Variants in ZP3 observed in about 807,000 individuals in gnomAD.
ZP3 encodes zona pellucida sperm-binding protein 3.
Under a neutral mutation model 35.6 loss-of-function variants are expected in ZP3, and 21 were observed. The observed-to-expected ratio is 0.59, with a 90% CI of 0.42 to 0.85. ZP3 has a LOEUF of 0.85. Among genes scored for constraint, ZP3 ranks in the 40% least tolerant of loss-of-function variants. The probability of loss-of-function intolerance (pLI) is 0.00; values close to 1 mark genes in which losing one functional copy is unlikely to be tolerated. For missense variants in ZP3, 437 were observed against 536.5 expected (o/e 0.81, Z 1.83); for synonymous variants, 207 against 214.5 (o/e 0.96, Z 0.31).
intron 5 of ZP3, among the ~76,000 whole-genome samples, chr7:76,438,444 TC>T (rs1294990879): frequency 1.3e-5 from 2 of 151,114 alleles, no homozygotes; most frequent in African/African-American, 4.9e-5. Context: ...CGTAATCCCA[TC>T]TACTTGGGAG....
At chr7:76,417,172 C>T (rs906326975) in intron 1 of ZP3, among the ~76,000 whole-genome samples, 4 of 151,814 alleles carry the variant, frequency 2.6e-5, no homozygotes, top group African/African-American at 9.7e-5. Flanking sequence ...ATTCTCCTGC[C>T]GCAGCCTCCC....
chr7:76,432,657 C>T (rs1805865028), intron 2 of ZP3, among the ~76,000 whole-genome samples: 1 of 152,164 alleles, frequency 6.6e-6, no homozygotes, highest in South Asian at 2.1e-4. Context: ...AGAAACCAAA[C>T]TCCTAGGTTC....
At chr7:76,425,352 C>T (rs1322999277) in intron 1 of ZP3, 76 bp downstream of exon 1, 20 of 1,464,986 alleles carry the variant, frequency 1.4e-5, no homozygotes, top group South Asian at 1.2e-4. Context: ...TGGCCACCAT[C>T]GGTGGGAGGT....
At chr7:76,431,613 G>A (rs1805825994) in intron 2 of ZP3, among the ~76,000 whole-genome samples, 2 of 152,132 alleles carry the variant, frequency 1.3e-5, no homozygotes, top group Non-Finnish European at 2.9e-5. Context: ...CTAAAGGATG[G>A]CCTTGGCTGG....
At chr7:76,404,568 G>C in intron 1 of ZP3, 3 of 1,391,872 alleles carry the variant, frequency 2.2e-6, no homozygotes, top group Non-Finnish European at 2.0e-6. Flanking sequence ...GAGGTGGGAG[G>C]ATTGCTTGCA....
chr7:76,423,367 G>A (rs1036211662), upstream of ZP3, among the ~76,000 whole-genome samples: 5 of 152,320 alleles, frequency 3.3e-5, no homozygotes, highest in African/African-American at 7.2e-5. Flanking sequence ...GGCAAAGCAC[G>A]TGAAGGTATG....
intron 1 of ZP3, among the ~76,000 whole-genome samples, chr7:76,416,714 G>A (rs751776819): frequency 4.0e-5 from 6 of 151,454 alleles, no homozygotes; most frequent in African/African-American, 1.5e-4. Context: ...TGGGAGAGTC[G>A]CTTAAGCCTG....
intron 2 of ZP3, 22 bp from the exon 3 acceptor site, chr7:76,432,905 A>T (rs776836693): frequency 3.4e-5 from 54 of 1,610,230 alleles, no homozygotes; most frequent in Non-Finnish European, 4.3e-5. Flanking sequence ...GCAGGTGTGC[A>T]CAGCTGCTGT....
rs768047547 is a variant in ZP3, at chr7:76,433,557, T to C, written c.623T>C (p.Val208Ala). Residue 208 changes from valine (V) to alanine (A), a missense_variant, in exon 4 of 8, where the codon GTG becomes GCG. Coordinates refer to ENST00000394857, the MANE Select transcript of ZP3 (RefSeq NM_001110354.2). ...GCAGAAATCCACACTGGCAGCCACG[T>C]GCCACTGCGGTTGTTTGTGGACCAC... Reference protein sequence around the residue: ...LQAEIHTGSHVPLRLFVDHCV... With the variant: ...LQAEIHTGSHAPLRLFVDHCV... 12 of 1,614,106 alleles carry C rather than the reference T, an allele frequency of 7.4e-6. No homozygotes were observed. In the East Asian group the frequency reaches 8.9e-5, roughly 12 times the overall value.
chr7:76,432,196 CT>C lies in ZP3; in HGVS notation c.432-721del, dbSNP rs71085413. 1.5e-4 allele frequency among the ~76,000 whole-genome samples: 22 copies of C among 144,098 alleles called. No homozygotes were observed. The East Asian group carries it at 2.6e-3, about 17-fold the overall frequency. The allele number at this position is 144,098 out of a possible 152,430, so 94.5% of individuals were successfully genotyped here. Reference sequence around the variant, plus strand: ...GCCCAGCTATCTTTTCTTTTCTTTTCTTTTTTTTTTGAGATGGAGTCTTGCT... The same window carrying C: ...GCCCAGCTATCTTTTCTTTTCTTTTCTTTTTTTTTGAGATGGAGTCTTGCT... On this transcript the variant is annotated intron_variant, in intron 2 of 7. Coordinates refer to ENST00000394857, the MANE Select transcript of ZP3 (RefSeq NM_001110354.2).
intron 1 of ZP3, chr7:76,400,923 G>T: frequency 6.6e-7 from 1 of 1,525,314 alleles, no homozygotes; most frequent in Non-Finnish European, 8.9e-7. Context: ...GGGCTGGTTA[G>T]TCATCACTTC....
intron 1 of ZP3, among the ~76,000 whole-genome samples, chr7:76,419,786 C>T (rs1340405285): frequency 1.4e-5 from 2 of 144,196 alleles, no homozygotes; most frequent in South Asian, 2.3e-4. Flanking sequence ...CCTCCTCCTC[C>T]TCCTCCCCCT....
Position 76,425,091 on chromosome 7 carries a change from C to CT in ZP3, c.128dup (p.Val44GlyfsTer27). ...TCCTGAGACGTCCGTACAGCCCGTA[C>CT]TGGTGGAGTGTCAGGAGGCCACTCT... is the stretch of plus-strand genomic sequence containing the variant. On this transcript the variant is annotated frameshift_variant, in exon 1 of 8. Transcript: ENST00000394857. LOFTEE classifies it high-confidence loss of function. 2 of 1,613,836 alleles carry CT rather than the reference C, an allele frequency of 1.2e-6. No individual in the cohort carries two copies. Among genetic ancestry groups the CT allele is most frequent in the Non-Finnish European group, 1.7e-6 (2 of 1,180,008 alleles).
intron 1 of ZP3, among the ~76,000 whole-genome samples, chr7:76,405,314 T>TATATAA (rs1804975586): frequency 2.9e-5 from 2 of 69,142 alleles, no homozygotes; most frequent in Non-Finnish European, 5.4e-5. Flanking sequence ...TATATATATA[T>TATATAA]ATGTATTTTT....
At chr7:76,418,772 C>T (rs963300063) in intron 1 of ZP3, among the ~76,000 whole-genome samples, 2 of 151,962 alleles carry the variant, frequency 1.3e-5, no homozygotes, top group African/African-American at 4.8e-5. Flanking sequence ...AGGAGAATGG[C>T]GTGAACCCGG....
intron 5 of ZP3, among the ~76,000 whole-genome samples, chr7:76,438,483 C>T (rs1186926308): frequency 2.8e-5 from 4 of 141,032 alleles, no homozygotes; most frequent in South Asian, 2.3e-4. Flanking sequence ...GCTTAAACCT[C>T]GGAGGTAGTG....
At chr7:76,413,927 A>G (rs1805307790) in intron 1 of ZP3, among the ~76,000 whole-genome samples, 1 of 151,726 alleles carries the variant, frequency 6.6e-6, no homozygotes, top group African/African-American at 2.4e-5. Flanking sequence ...TCAGCCTCCC[A>G]AAGTGCTGGG....
upstream of ZP3, among the ~76,000 whole-genome samples, chr7:76,423,012 A>G (rs1483091298): frequency 1.5e-5 from 1 of 68,300 alleles, no homozygotes; most frequent in Non-Finnish European, 2.9e-5. Flanking sequence ...AAAGAAAGAG[A>G]GAGAGAGAGA....
At chr7:76,436,439 A>G (rs1177906194) in intron 5 of ZP3, among the ~76,000 whole-genome samples, 1 of 152,228 alleles carries the variant, frequency 6.6e-6, no homozygotes, top group Non-Finnish European at 1.5e-5. Flanking sequence ...GGTGACTCTA[A>G]TACGCAGCCA....
Sources: gnomAD v4.1 joint callset for allele counts (sites outside exome capture counted in the v4.1 genomes callset) on GRCh38, gnomAD v4.1.1 for gene constraint, MANE v1.5 for transcripts, NCBI Gene and HGNC (gene_info 2026-07-23, HGNC 2026-07-21) for gene names.